GALNT13: variants seen among roughly 807,000 people sequenced by gnomAD.
The protein encoded by GALNT13 is UDP-GalNAc:polypeptide N-acetylgalactosaminyltransferase 13.
GALNT13 carries 28 observed loss-of-function variants against 64.2 expected under a neutral mutation model. The observed-to-expected ratio is 0.44, with a 90% confidence interval of 0.32 to 0.60. The LOEUF (loss-of-function observed/expected upper bound fraction) is 0.60. GALNT13 is among the 20% of genes least tolerant of loss of function. The pLI, the probability that GALNT13 is intolerant of heterozygous loss-of-function variation, is 0.05. For missense variants in GALNT13, 577 were observed against 669.8 expected (o/e 0.86, Z 1.53); for synonymous variants, 214 against 224.6 (o/e 0.95, Z 0.42).
At chr2:154,023,708 T>C (rs1388447588) in intron 3 of GALNT13, among the ~76,000 whole-genome samples, 2 of 152,298 alleles carry the variant, frequency 1.3e-5, no homozygotes, top group African/African-American at 2.4e-5. Flanking sequence ...AAAGTTAATG[T>C]TGTTATGTAT....
intron 4 of GALNT13, among the ~76,000 whole-genome samples, chr2:154,171,524 A>G (rs1685347971): frequency 6.6e-6 from 1 of 152,120 alleles, no homozygotes. Context: ...AAATCCCAAG[A>G]GGTTACTTGA....
chr2:153,771,691 C>T, the GALNT13 span, among the ~76,000 whole-genome samples: 2 of 152,098 alleles, frequency 1.3e-5, no homozygotes, highest in Non-Finnish European at 2.9e-5. Flanking sequence ...TCCAGGTGAG[C>T]AGGTGTGTGC....
At chr2:154,197,156 C>T (rs759909470) in intron 4 of GALNT13, among the ~76,000 whole-genome samples, 5 of 151,868 alleles carry the variant, frequency 3.3e-5, no homozygotes, top group South Asian at 2.1e-4. Context: ...GCAGAGGTTG[C>T]GGTGAGCCGA....
At chr2:153,490,303 T>A in the GALNT13 span, among the ~76,000 whole-genome samples, 24 of 152,292 alleles carry the variant, frequency 1.6e-4, no homozygotes, top group Admixed American at 1.1e-3. Flanking sequence ...CAATATTTTT[T>A]AAAAAATGAT....
chr2:153,783,812 T>A, the GALNT13 span, among the ~76,000 whole-genome samples: 1 of 152,140 alleles, frequency 6.6e-6, no homozygotes, highest in Non-Finnish European at 1.5e-5. Flanking sequence ...TGAAGAAGGA[T>A]GTGTTTGCTT....
At chr2:153,093,660 T>C in the GALNT13 span, among the ~76,000 whole-genome samples, 1 of 152,200 alleles carries the variant, frequency 6.6e-6, no homozygotes. Flanking sequence ...TGTGTTTGTC[T>C]GGTTTTAGTT....
the GALNT13 span, among the ~76,000 whole-genome samples, chr2:153,687,770 G>A: frequency 1.3e-5 from 2 of 151,928 alleles, no homozygotes; most frequent in East Asian, 1.9e-4. Context: ...CTATATTGAC[G>A]AAGCCTTCTG....
the GALNT13 span, among the ~76,000 whole-genome samples, chr2:153,086,671 G>A: frequency 7.2e-5 from 11 of 151,974 alleles, no homozygotes; most frequent in African/African-American, 2.4e-4. Context: ...CTAGCAGTAT[G>A]AGAACAGACT....
intron 2 of GALNT13, 84 bp from the exon 3 acceptor site, chr2:153,944,310 A>G: frequency 2.0e-6 from 1 of 500,402 alleles, no homozygotes; most frequent in Non-Finnish European, 3.5e-6. Context: ...AACATTAAAT[A>G]AGTCATACAT....
chr2:153,347,029 T>C, the GALNT13 span, among the ~76,000 whole-genome samples: 1 of 152,206 alleles, frequency 6.6e-6, no homozygotes, highest in African/African-American at 2.4e-5. Flanking sequence ...TCTTTATCAG[T>C]GTCTTTCTCT....
At chr2:153,572,491 T>C in the GALNT13 span, among the ~76,000 whole-genome samples, 1 of 151,852 alleles carries the variant, frequency 6.6e-6, no homozygotes, top group East Asian at 1.9e-4. Context: ...ATTTTGGGAT[T>C]TGGTTTGCTC....
At chr2:153,383,779 A>G in the GALNT13 span, among the ~76,000 whole-genome samples, 3 of 152,054 alleles carry the variant, frequency 2.0e-5, no homozygotes, top group Non-Finnish European at 4.4e-5. Flanking sequence ...GGGCATTATC[A>G]AGATACTTTG....
the GALNT13 span, among the ~76,000 whole-genome samples, chr2:153,123,179 C>T: frequency 2.0e-5 from 3 of 152,180 alleles, no homozygotes; most frequent in African/African-American, 7.2e-5. Context: ...AGAGATGCAT[C>T]TGCAAGCTAG....
At chr2:153,358,328 T>C in the GALNT13 span, among the ~76,000 whole-genome samples, 3 of 152,206 alleles carry the variant, frequency 2.0e-5, no homozygotes, top group African/African-American at 7.2e-5. Flanking sequence ...TTTAGATGCC[T>C]AAGGACGTCA....
At chr2:153,752,483 G>C in the GALNT13 span, among the ~76,000 whole-genome samples, 2 of 151,996 alleles carry the variant, frequency 1.3e-5, no homozygotes, top group South Asian at 4.1e-4. Context: ...TCTCCTTCAT[G>C]TTTTAAAAAT....
chr2:153,676,473 CA>C, the GALNT13 span, among the ~76,000 whole-genome samples: 1 of 151,980 alleles, frequency 6.6e-6, no homozygotes. Flanking sequence ...GAAAGCATTC[CA>C]AAAAATTGAA....
At chr2:153,989,541 A>G (rs1170464337) in intron 3 of GALNT13, among the ~76,000 whole-genome samples, 1 of 152,022 alleles carries the variant, frequency 6.6e-6, no homozygotes, top group Non-Finnish European at 1.5e-5. Context: ...TTTGAAGCTA[A>G]CTTAAAGGCA....
At chr2:154,091,191 T>C (rs1424304476) in intron 3 of GALNT13, among the ~76,000 whole-genome samples, 2 of 151,992 alleles carry the variant, frequency 1.3e-5, no homozygotes, top group Non-Finnish European at 2.9e-5. Context: ...AGATCTCCAT[T>C]TGGGAGTGCA....
chr2:153,669,216 C>A, the GALNT13 span, among the ~76,000 whole-genome samples: 1 of 152,176 alleles, frequency 6.6e-6, no homozygotes, highest in Non-Finnish European at 1.5e-5. Flanking sequence ...CTCCCCATAC[C>A]ACTTTGTTAG....
Sources: allele counts gnomAD v4.1 joint callset (sites outside exome capture counted in the v4.1 genomes callset), GRCh38; gene constraint gnomAD v4.1.1; transcripts MANE v1.5; gene names NCBI Gene and HGNC (gene_info 2026-07-23, HGNC 2026-07-21).